GALNTL6: variants seen among roughly 807,000 people sequenced by gnomAD.
GALNTL6 encodes polypeptide N-acetylgalactosaminyltransferase like 6, also known as polypeptide N-acetylgalactosaminyltransferase-like 6.
In GALNTL6, 46 loss-of-function variants were observed where a neutral mutation model predicts 73.7. That is an observed-to-expected ratio of 0.62 (90% confidence interval 0.49 to 0.80). The LOEUF (loss-of-function observed/expected upper bound fraction) is 0.80. GALNTL6 is among the 30% of genes least tolerant of loss of function. The probability of loss-of-function intolerance (pLI) is 0.00; values close to 1 mark genes in which losing one functional copy is unlikely to be tolerated. For missense variants in GALNTL6, 604 were observed against 755.0 expected (o/e 0.80, Z 2.34); for synonymous variants, 259 against 263.7 (o/e 0.98, Z 0.17).
At chr4:172,411,902 G>T (rs1346375668) in intron 5 of GALNTL6, among the ~76,000 whole-genome samples, 1 of 151,890 alleles carries the variant, frequency 6.6e-6, no homozygotes, top group African/African-American at 2.4e-5. Flanking sequence ...TTATATTCTG[G>T]GGGGAAAATA....
chr4:172,353,294 A>G (rs1299474595), intron 5 of GALNTL6, among the ~76,000 whole-genome samples: 1 of 152,090 alleles, frequency 6.6e-6, no homozygotes, highest in Non-Finnish European at 1.5e-5. Context: ...TGTCAGAGCA[A>G]AACTCTGTCC....
At chr4:172,049,927 T>C (rs1319392538) in intron 2 of GALNTL6, among the ~76,000 whole-genome samples, 4 of 151,744 alleles carry the variant, frequency 2.6e-5, no homozygotes, top group Non-Finnish European at 5.9e-5. Flanking sequence ...GAGGTTGCAG[T>C]GAGCTGAGAT....
At chr4:172,498,223 C>T (rs922814564) in intron 5 of GALNTL6, among the ~76,000 whole-genome samples, 3 of 151,422 alleles carry the variant, frequency 2.0e-5, no homozygotes, top group South Asian at 2.1e-4. Context: ...CTCTTGACCT[C>T]GTGATCCATC....
intron 5 of GALNTL6, among the ~76,000 whole-genome samples, chr4:172,593,908 T>C (rs989201907): frequency 6.6e-6 from 1 of 152,118 alleles, no homozygotes; most frequent in Non-Finnish European, 1.5e-5. Flanking sequence ...TTTGTATTTT[T>C]AGTAGAGATA....
chr4:172,061,776 C>T (rs185819057), intron 2 of GALNTL6, among the ~76,000 whole-genome samples: 1 of 152,074 alleles, frequency 6.6e-6, no homozygotes, highest in Non-Finnish European at 1.5e-5. Flanking sequence ...TTTTAGACCA[C>T]TAAACACCTG....
intron 5 of GALNTL6, among the ~76,000 whole-genome samples, chr4:172,426,936 A>C (rs949044682): frequency 3.3e-5 from 5 of 150,896 alleles, no homozygotes; most frequent in African/African-American, 4.9e-5. Context: ...ATATATATAT[A>C]TCCAAATACA....
intron 5 of GALNTL6, among the ~76,000 whole-genome samples, chr4:172,538,069 A>T (rs551630619): frequency 7.2e-5 from 11 of 152,178 alleles, no homozygotes; most frequent in Non-Finnish European, 1.5e-4. Context: ...GAGTAGAAAA[A>T]ATATGAAAGA....
chr4:172,789,745 C>A (rs1343760706), intron 5 of GALNTL6, among the ~76,000 whole-genome samples: 2 of 152,148 alleles, frequency 1.3e-5, no homozygotes, highest in Non-Finnish European at 2.9e-5. Flanking sequence ...GGGCAGGAAC[C>A]TTCCTGGGAA....
At chr4:172,993,189 G>A (rs1196848226) in intron 10 of GALNTL6, among the ~76,000 whole-genome samples, 1 of 152,156 alleles carries the variant, frequency 6.6e-6, no homozygotes, top group East Asian at 1.9e-4. Context: ...CCTAAGGGTG[G>A]TGCCCTAATC....
chr4:172,756,365 T>C (rs896544638), intron 5 of GALNTL6, among the ~76,000 whole-genome samples: 6 of 152,178 alleles, frequency 3.9e-5, no homozygotes, highest in Admixed American at 3.3e-4. Context: ...AGATGGGGGC[T>C]GGGCGCTGTG....
rs142167276 is a variant in GALNTL6 at position 171,929,502 on chromosome 4, C to T, written c.138+114784C>T. On this transcript the variant is annotated intron_variant, in intron 2 of 12. Transcript: ENST00000506823. ...CCCACCCCGCCATCAACACAAAAAC[C>T]CAAAGCAACAAATACACAACTGTAT... Among the ~76,000 whole-genome samples the T allele has an allele frequency of 1.7e-3, 261 of 152,276 alleles. 2 individuals carry two copies. The highest frequency in any genetic ancestry group is 0.012 in the Admixed American group (178 of 15,288).
intron 2 of GALNTL6, among the ~76,000 whole-genome samples, chr4:172,057,723 A>ATATATATAT (rs1448728102): frequency 3.3e-5 from 2 of 59,930 alleles, no homozygotes; most frequent in Non-Finnish European, 6.4e-5. Flanking sequence ...AAAAAAAAAA[A>ATATATATAT]AAAAATATAT....
intron 11 of GALNTL6, among the ~76,000 whole-genome samples, chr4:173,014,771 G>A (rs1752709423): frequency 6.6e-6 from 1 of 152,144 alleles, no homozygotes; most frequent in African/African-American, 2.4e-5. Context: ...TAAGTGTATT[G>A]GCAGTACCAA....
intron 2 of GALNTL6, among the ~76,000 whole-genome samples, chr4:171,958,618 CT>C (rs970854864): frequency 2.5e-4 from 38 of 152,074 alleles, no homozygotes; most frequent in African/African-American, 8.9e-4. Flanking sequence ...AATATAAATA[CT>C]TTTTTAACTG....
chr4:171,974,694 C>T (rs927209972), intron 2 of GALNTL6, among the ~76,000 whole-genome samples: 1 of 152,094 alleles, frequency 6.6e-6, no homozygotes, highest in African/African-American at 2.4e-5. Context: ...CTATACAAGA[C>T]AATTACTTAA....
chr4:172,315,265 A>G (rs1740502647), intron 4 of GALNTL6, among the ~76,000 whole-genome samples: 1 of 151,642 alleles, frequency 6.6e-6, no homozygotes, highest in Non-Finnish European at 1.5e-5. Context: ...GGTTGATTTT[A>G]TTTATTTATT....
chr4:172,900,962 C>T (rs1001914163), intron 8 of GALNTL6, among the ~76,000 whole-genome samples: 3 of 152,170 alleles, frequency 2.0e-5, no homozygotes, highest in Admixed American at 6.6e-5. Context: ...GTATCTATCA[C>T]ATCTTTTCTG....
chr4:172,831,157 C>CAAAAAAAAAAAAAAA (rs60870698), intron 7 of GALNTL6, among the ~76,000 whole-genome samples: 19 of 63,902 alleles, frequency 3.0e-4, no homozygotes, highest in Non-Finnish European at 4.8e-4. Flanking sequence ...GACTCCCTCT[C>CAAAAAAAAAAAAAAA]AAAAAAAAAA....
chr4:172,775,896 G>A (rs948121673), intron 5 of GALNTL6, among the ~76,000 whole-genome samples: 1 of 152,170 alleles, frequency 6.6e-6, no homozygotes, highest in African/African-American at 2.4e-5. Context: ...TCTAGGAACT[G>A]TGCTTGCCTC....
Sources: gnomAD v4.1 joint callset for allele counts (sites outside exome capture counted in the v4.1 genomes callset) on GRCh38, gnomAD v4.1.1 for gene constraint, MANE v1.5 for transcripts, NCBI Gene and HGNC (gene_info 2026-07-23, HGNC 2026-07-21) for gene names.